Variants in UBA3 observed in about 807,000 individuals in gnomAD.
UBA3 encodes the protein ubiquitin like modifier activating enzyme 3.
A neutral mutation model predicts 73.5 loss-of-function variants in UBA3; 26 were observed. The ratio of observed to expected loss-of-function variants is 0.35; its 90% CI spans 0.26 to 0.49. The LOEUF is 0.49. Ranked by LOEUF, UBA3 falls within the 20% of genes least tolerant of loss-of-function variation. The pLI is 0.98. For missense variants in UBA3, 495 were observed against 555.6 expected, an observed-to-expected ratio of 0.89 and a Z score of 1.10; for synonymous variants, 217 against 191.2, an observed-to-expected ratio of 1.13 and a Z score of -1.11.
At chr3:69,080,212 G>GA in intron 1 of UBA3, 59 bp from the exon 2 acceptor site, 1 of 1,521,086 alleles carries the variant, frequency 6.6e-7, no homozygotes, top group Non-Finnish European at 9.0e-7. Context: ...GCCGCGAGGG[G>GA]AGGGGGGCGA....
chr3:69,071,829 T>C (rs538811369), intron 4 of UBA3, among the ~76,000 whole-genome samples: 1 of 152,336 alleles, frequency 6.6e-6, no homozygotes, highest in Non-Finnish European at 1.5e-5. Flanking sequence ...AAATAATCTA[T>C]AACCAAAAGA....
chr3:69,067,887 C>A (rs1381849847), intron 6 of UBA3, 41 bp downstream of exon 6: 1 of 1,462,624 alleles, frequency 6.8e-7, no homozygotes, highest in Non-Finnish European at 9.5e-7. Flanking sequence ...AGGAAAAAAG[C>A]TTTTAAAAAT....
intron 7 of UBA3, 71 bp from the exon 8 acceptor site, chr3:69,063,574 C>A: frequency 8.1e-7 from 1 of 1,227,390 alleles, no homozygotes; most frequent in East Asian, 2.6e-5. Context: ...AATGTAGATT[C>A]ATCAACTGCA....
At chr3:69,058,744 C>T (rs1486859373) in intron 11 of UBA3, among the ~76,000 whole-genome samples, 3 of 152,064 alleles carry the variant, frequency 2.0e-5, no homozygotes, top group Non-Finnish European at 1.5e-5. Flanking sequence ...CCCTGCCCTT[C>T]GACCAAAAAA....
chr3:69,075,605 G>T, intron 3 of UBA3, 95 bp from the exon 4 acceptor site: 1 of 605,802 alleles, frequency 1.7e-6, no homozygotes. Flanking sequence ...GATGTTTCCA[G>T]GAAAAAATGC....
In UBA3 at chr3:69,062,095, T is replaced by G. The variant is rs768658400; in HGVS notation, c.778A>C (p.Lys260Gln). 13 of 1,611,726 alleles carry G rather than the reference T, an allele frequency of 8.1e-6. No homozygotes were observed. Among genetic ancestry groups the G allele is most frequent in the African/African-American group, 4.0e-5 (3 of 74,896 alleles). Residue 260 changes from lysine (K) to glutamine (Q), a missense_variant, in exon 10 of 18, where the codon AAG becomes CAG. Physicochemically the swap from Lys to Gln is moderately conservative, Grantham distance 53. Coordinates refer to ENST00000361055, the MANE Select transcript of UBA3 (RefSeq NM_003968.4). ...TTATTACCTCCAAAAGGCTGCTCCT[T>G]AGGCCACTGCAACATCCTTACATAC... ...IEYVRMLQWP[K>Q]EQPFGEGVPL...
intron 6 of UBA3, among the ~76,000 whole-genome samples, chr3:69,065,205 G>A (rs1284466268): frequency 6.6e-6 from 1 of 152,052 alleles, no homozygotes; most frequent in African/African-American, 2.4e-5. Context: ...ACATAATGGG[G>A]ATAGACAAAC....
intron 5 of UBA3, among the ~76,000 whole-genome samples, chr3:69,070,543 T>C (rs1457620111): frequency 1.3e-5 from 2 of 152,224 alleles, no homozygotes; most frequent in East Asian, 1.9e-4. Flanking sequence ...CTAACAAATA[T>C]ACACTTTTAC....
intron 5 of UBA3, chr3:69,071,200 T>A (rs1032622198): frequency 5.0e-6 from 1 of 201,212 alleles, no homozygotes; most frequent in Admixed American, 6.4e-5. Context: ...CAGCGAGTAT[T>A]CTCTTCTGAC....
intron 11 of UBA3, among the ~76,000 whole-genome samples, chr3:69,059,813 A>G (rs2092007097): frequency 6.6e-6 from 1 of 152,204 alleles, no homozygotes; most frequent in Non-Finnish European, 1.5e-5. Context: ...GCAAAATTCT[A>G]AAAAAGGAAA....
At chr3:69,067,392 C>G (rs1038727273) in intron 6 of UBA3, among the ~76,000 whole-genome samples, 1 of 152,134 alleles carries the variant, frequency 6.6e-6, no homozygotes, top group African/African-American at 2.4e-5. Context: ...ATTTTGTATT[C>G]TGTGGGACTT....
chr3:69,065,899 C>T (rs77632422), intron 6 of UBA3, among the ~76,000 whole-genome samples: 2,385 of 151,190 alleles, frequency 0.016, 63 homozygotes, highest in African/African-American at 0.056. Flanking sequence ...ATGTGCTTTT[C>T]GTCATCCTTT....
rs1272920468 is a variant in UBA3 at position 69,056,491 on chromosome 3, A to G, written c.1083+121T>C. ...TATTTCAGGCTATAAAGCAAAAGAT[A>G]TATAATAAGTAGAGTTCTGGAAGTT... is the stretch of plus-strand genomic sequence containing the variant. On this transcript the variant is annotated intron_variant, in intron 14 of 17. Coordinates refer to ENST00000361055, the MANE Select transcript of UBA3 (RefSeq NM_003968.4). The G allele has an allele frequency of 1.5e-5, 14 of 904,926 alleles. No individual in the cohort carries two copies. In the Admixed American group the frequency reaches 2.0e-4, roughly 13 times the overall value. The allele number at this position is 904,926 out of a possible 1,614,324, so 56.1% of individuals were successfully genotyped here.
Position 69,063,505 on chromosome 3 carries a change from T to TAA in UBA3, c.473-3_473-2insTT. 2.5e-6 allele frequency: 3 copies of TAA among 1,200,824 alleles called. No individual in the cohort carries two copies. Among genetic ancestry groups the TAA allele is most frequent in the Non-Finnish European group, 2.3e-6 (2 of 886,804 alleles). The allele number at this position is 1,200,824 out of a possible 1,614,324, so 74.4% of individuals were successfully genotyped here. Reference sequence around the variant, plus strand: ...GTCCACATACAATAATATGAAATTCTACAAAAAAAAAAAAAAGCAACTTTA... The same window carrying TAA: ...GTCCACATACAATAATATGAAATTCTAAACAAAAAAAAAAAAAAGCAACTTTA... On this transcript the variant is annotated splice_region_variant and splice_polypyrimidine_tract_variant and intron_variant, in intron 7 of 17. Transcript: ENST00000361055.
intron 11 of UBA3, among the ~76,000 whole-genome samples, chr3:69,060,408 A>C (rs1033730812): frequency 1.3e-5 from 2 of 152,228 alleles, no homozygotes; most frequent in Non-Finnish European, 2.9e-5. Flanking sequence ...AAGAATCCAA[A>C]GTATAGCATC....
At chr3:69,071,824 A>T (rs1019494212) in intron 4 of UBA3, among the ~76,000 whole-genome samples, 1 of 152,210 alleles carries the variant, frequency 6.6e-6, no homozygotes, top group African/African-American at 2.4e-5. Flanking sequence ...GTTTCAAATA[A>T]TCTATAACCA....
chr3:69,062,217 C>G (rs371282496), intron 9 of UBA3, 38 bp from the exon 10 acceptor site: 1 of 1,356,828 alleles, frequency 7.4e-7, no homozygotes, highest in African/African-American at 1.4e-5. Context: ...GAATTTTAAA[C>G]GAATTATTTT....
intron 6 of UBA3, 60 bp downstream of exon 6, chr3:69,067,868 T>C: frequency 4.5e-6 from 6 of 1,321,460 alleles, no homozygotes; most frequent in Non-Finnish European, 3.2e-6. Flanking sequence ...TAAATATCTC[T>C]TATAATAAAG....
At chr3:69,071,840 GAAC>G (rs1406068531) in intron 4 of UBA3, among the ~76,000 whole-genome samples, 1 of 152,074 alleles carries the variant, frequency 6.6e-6, no homozygotes, top group Non-Finnish European at 1.5e-5. Context: ...AACCAAAAGA[GAAC>G]AACTCAAAAT....
Sources: gnomAD v4.1 joint callset for allele counts (sites outside exome capture counted in the v4.1 genomes callset) on GRCh38, gnomAD v4.1.1 for gene constraint, MANE v1.5 for transcripts, NCBI Gene and HGNC (gene_info 2026-07-23, HGNC 2026-07-21) for gene names.